PACRG: variants seen among roughly 807,000 people sequenced by gnomAD.
The protein encoded by PACRG is parkin coregulated.
Under a neutral mutation model 29.7 loss-of-function variants are expected in PACRG, and 29 were observed. That is an observed-to-expected ratio of 0.98 (90% CI 0.73 to 1.33). The LOEUF is 1.33. Ranked by LOEUF, PACRG falls within the 40% of genes most tolerant of loss-of-function variation. The pLI is 0.00. For synonymous variants in PACRG, 116 were observed against 118.7 expected (o/e 0.98, Z 0.15); for missense variants, 279 against 316.2 (o/e 0.88, Z 0.89).
chr6:163,162,049 C>T (rs966512226), intron 4 of PACRG, among the ~76,000 whole-genome samples: 1 of 152,180 alleles, frequency 6.6e-6, no homozygotes, highest in African/African-American at 2.4e-5. Flanking sequence ...CACAGAACTG[C>T]ATGGGGAGAA....
chr6:162,979,729 A>C (rs1004912345), intron 2 of PACRG, among the ~76,000 whole-genome samples: 1 of 152,128 alleles, frequency 6.6e-6, no homozygotes, highest in South Asian at 2.1e-4. Context: ...TGATTTTTTT[A>C]GCTTTACTTT....
At chr6:163,079,989 C>G (rs1168730598) in intron 3 of PACRG, among the ~76,000 whole-genome samples, 1 of 150,042 alleles carries the variant, frequency 6.7e-6, no homozygotes, top group African/African-American at 2.5e-5. Flanking sequence ...CCTCTGCCTC[C>G]CGGGTGCATT....
At chr6:163,129,080 A>T (rs754299305) in intron 4 of PACRG, among the ~76,000 whole-genome samples, 13 of 151,466 alleles carry the variant, frequency 8.6e-5, no homozygotes, top group South Asian at 6.3e-4. Flanking sequence ...ACAGTTTCTT[A>T]AAATGTGTCC....
At chr6:162,987,963 T>A (rs1271129395) in intron 2 of PACRG, among the ~76,000 whole-genome samples, 1 of 152,196 alleles carries the variant, frequency 6.6e-6, no homozygotes, top group African/African-American at 2.4e-5. Flanking sequence ...TGTCATGAGT[T>A]GCTGTAATGT....
At chr6:163,076,237 T>C (rs1013456057) in intron 3 of PACRG, among the ~76,000 whole-genome samples, 5 of 152,212 alleles carry the variant, frequency 3.3e-5, no homozygotes, top group Non-Finnish European at 7.3e-5. Context: ...TTTTCAGTTT[T>C]TTCATCTTGC....
At chr6:163,220,396 G>A (rs1334695080) in intron 4 of PACRG, among the ~76,000 whole-genome samples, 3 of 152,174 alleles carry the variant, frequency 2.0e-5, no homozygotes, top group Non-Finnish European at 4.4e-5. Context: ...CTGCTAAGCG[G>A]GGGCAAGTGG....
chr6:162,813,755 AT>A (rs1787082239), intron 1 of PACRG, among the ~76,000 whole-genome samples: 1 of 152,166 alleles, frequency 6.6e-6, no homozygotes, highest in Non-Finnish European at 1.5e-5. Flanking sequence ...TCAGTATTCC[AT>A]AAAGTATATC....
At chr6:162,934,067 C>T (rs907547389) in intron 2 of PACRG, among the ~76,000 whole-genome samples, 7 of 152,070 alleles carry the variant, frequency 4.6e-5, no homozygotes, top group Non-Finnish European at 7.4e-5. Flanking sequence ...AGTTCAAGAC[C>T]AGCCTGGCTA....
chr6:162,990,883 A>G (rs1346154977), intron 2 of PACRG, among the ~76,000 whole-genome samples: 1 of 89,222 alleles, frequency 1.1e-5, no homozygotes, highest in Non-Finnish European at 2.0e-5. Context: ...TCTAACGTTT[A>G]AATCTTTAAT....
intron 3 of PACRG, among the ~76,000 whole-genome samples, chr6:163,084,644 AAT>A (rs1813378967): frequency 6.6e-6 from 1 of 152,074 alleles, no homozygotes; most frequent in Non-Finnish European, 1.5e-5. Flanking sequence ...CTGTCAATCC[AAT>A]AACGTTGATC....
intron 1 of PACRG, among the ~76,000 whole-genome samples, chr6:162,734,143 C>T (rs1026500372): frequency 1.3e-5 from 2 of 152,014 alleles, no homozygotes; most frequent in African/African-American, 4.8e-5. Context: ...AAGAAAATGC[C>T]AATGATGTTA....
At chr6:162,921,965 T>A (rs1027497126) in intron 2 of PACRG, among the ~76,000 whole-genome samples, 2 of 152,126 alleles carry the variant, frequency 1.3e-5, no homozygotes, top group South Asian at 2.1e-4. Flanking sequence ...TTGAACTGTT[T>A]CCTGAAGTTC....
At chr6:162,780,228 G>A (rs1301772857) in intron 1 of PACRG, among the ~76,000 whole-genome samples, 1 of 152,100 alleles carries the variant, frequency 6.6e-6, no homozygotes, top group Non-Finnish European at 1.5e-5. Context: ...AATATTTCAA[G>A]GGGCATTGAG....
Position 163,078,536 on chromosome 6 carries a change from C to A in PACRG, c.464-10723C>A, listed in dbSNP as rs1035662531. 2.6e-5 allele frequency among the ~76,000 whole-genome samples: 4 copies of A among 152,108 alleles called. No individual in the cohort carries two copies. In the South Asian group the frequency reaches 8.3e-4, roughly 32 times the overall value. ...AGGGGGGCAATGATGATAATGACATCCAATTTATTGGGCTATTTCAGTGAT... is the reference window on the plus strand; with the variant it reads ...AGGGGGGCAATGATGATAATGACATACAATTTATTGGGCTATTTCAGTGAT... On this transcript the variant is annotated intron_variant, in intron 3 of 4. Coordinates refer to ENST00000366888, the MANE Select transcript of PACRG (RefSeq NM_001080379.2).
At chr6:163,282,874 C>T (rs1301614658) in intron 4 of PACRG, among the ~76,000 whole-genome samples, 1 of 152,230 alleles carries the variant, frequency 6.6e-6, no homozygotes. Flanking sequence ...CCAAATTGCT[C>T]AATCATCAAG....
intron 2 of PACRG, among the ~76,000 whole-genome samples, chr6:162,932,478 A>G (rs1298813787): frequency 1.3e-5 from 2 of 152,020 alleles, no homozygotes; most frequent in Admixed American, 6.6e-5. Flanking sequence ...TTCTTTAAAC[A>G]TTTGGTAGAA....
chr6:163,296,238 ACAAT>A (rs752637585), intron 4 of PACRG, among the ~76,000 whole-genome samples: 35 of 152,182 alleles, frequency 2.3e-4, no homozygotes, highest in Non-Finnish European at 3.8e-4. Flanking sequence ...CAAGCAGGAA[ACAAT>A]CATAACAGGA....
rs1394070170 is a variant in PACRG at position 163,175,411 on chromosome 6, C to CGG, written c.613+86007_613+86008dup. Among the ~76,000 whole-genome samples, 4 of 151,416 alleles carry CGG rather than the reference C, an allele frequency of 2.6e-5. No homozygotes were observed. The East Asian group carries it at 7.8e-4, about 30-fold the overall frequency. Reference sequence around the variant, plus strand: ...GATGCATTCATTTGGGGTTGGCTTGCGGGGGAGTGGGACCTGTGAAGGCTG... The same window carrying CGG: ...GATGCATTCATTTGGGGTTGGCTTGCGGGGGGGAGTGGGACCTGTGAAGGCTG... On this transcript the variant is annotated intron_variant, in intron 4 of 4. Coordinates refer to ENST00000366888, the MANE Select transcript of PACRG (RefSeq NM_001080379.2).
At chr6:162,977,406 T>TA (rs369658680) in intron 2 of PACRG, among the ~76,000 whole-genome samples, 70,898 of 148,266 alleles carry the variant, frequency 0.48, 17,768 homozygotes, top group East Asian at 0.73. Flanking sequence ...AATTTCAAAT[T>TA]AAAAAAAAAA....
Sources: allele counts gnomAD v4.1 joint callset (sites outside exome capture counted in the v4.1 genomes callset), GRCh38; gene constraint gnomAD v4.1.1; transcripts MANE v1.5; gene names NCBI Gene and HGNC (gene_info 2026-07-23, HGNC 2026-07-21).